Variants in INSYN2B observed in about 807,000 individuals in gnomAD.
The protein encoded by INSYN2B is protein INSYN2B.
In INSYN2B, 16 loss-of-function variants were observed where a neutral mutation model predicts 41.2. The observed-to-expected ratio is 0.39, with a 90% CI of 0.26 to 0.59. The LOEUF (loss-of-function observed/expected upper bound fraction) is 0.59, where lower values mean the gene tolerates loss of function less well. Ranked by LOEUF, INSYN2B falls within the 20% of genes least tolerant of loss-of-function variation. The pLI, the probability that INSYN2B is intolerant of heterozygous loss-of-function variation, is 0.57. For synonymous variants in INSYN2B, 245 were observed against 244.4 expected (o/e 1.00, Z -0.02); for missense variants, 608 against 646.4 (o/e 0.94, Z 0.64).
chr5:169,881,956 G>A (rs1043821282), intron 2 of INSYN2B, among the ~76,000 whole-genome samples: 1 of 152,140 alleles, frequency 6.6e-6, no homozygotes, highest in Non-Finnish European at 1.5e-5. Context: ...CTCCTATACT[G>A]GTGCTGAGTC....
At chr5:169,918,162 T>C (rs182372951) in intron 1 of INSYN2B, among the ~76,000 whole-genome samples, 53 of 152,326 alleles carry the variant, frequency 3.5e-4, no homozygotes, top group Admixed American at 2.1e-3. Context: ...TTTGTTACTA[T>C]TAAAATTTTA....
intron 1 of INSYN2B, among the ~76,000 whole-genome samples, chr5:169,888,294 C>G (rs1220010360): frequency 2.0e-5 from 3 of 152,180 alleles, no homozygotes; most frequent in Non-Finnish European, 4.4e-5. Context: ...TCACATTTCC[C>G]TAGGCATTGG....
intron 1 of INSYN2B, among the ~76,000 whole-genome samples, chr5:169,912,689 A>G (rs60709261): frequency 6.6e-6 from 1 of 152,088 alleles, no homozygotes; most frequent in African/African-American, 2.4e-5. Flanking sequence ...CCCATAATGT[A>G]TGAAGGTAGT....
At chr5:169,921,258 A>T (rs1775161275) in intron 1 of INSYN2B, among the ~76,000 whole-genome samples, 1 of 152,228 alleles carries the variant, frequency 6.6e-6, no homozygotes, top group Admixed American at 6.5e-5. Flanking sequence ...TTTGGATTAG[A>T]ATATTCAAGA....
At chr5:169,875,822 TATC>T (rs1221410666) in intron 3 of INSYN2B, 1 of 152,724 alleles carries the variant, frequency 6.5e-6, no homozygotes, top group Non-Finnish European at 1.5e-5. Context: ...CGTCAGCTGT[TATC>T]ATTGTAAAAA....
rs1413000823 is a variant in INSYN2B, at chr5:169,881,372, A to G, written c.1417T>C (p.Tyr473His). The part of the protein sequence containing the change: ...STCQNTACII[Y>H]SVEYDFRQQE... ...GCCTCGCTTGTGGCCAGGTACCTGT[A>G]TATGATGCACGCCGTGTTCTGGCAG... The change falls in exon 3 of 4, where the codon TAC (tyrosine) becomes CAC (histidine). Residue 473 changes from tyrosine to histidine, a missense_variant. Transcript: ENST00000377365. The G allele has an allele frequency of 6.4e-7, 1 of 1,551,368 alleles. No homozygotes were observed. The highest frequency in any genetic ancestry group is 1.4e-5 in the African/African-American group (1 of 73,060).
At chr5:169,919,693 G>A (rs1775066757) in intron 1 of INSYN2B, among the ~76,000 whole-genome samples, 1 of 152,170 alleles carries the variant, frequency 6.6e-6, no homozygotes, top group African/African-American at 2.4e-5. Flanking sequence ...CCTTTGGTAA[G>A]CAGTGCACTC....
Position 169,881,911 on chromosome 5 carries a change from G to A in INSYN2B, c.1347-469C>T, listed in dbSNP as rs144954941. Among the ~76,000 whole-genome samples, 42 of 152,266 alleles carry A rather than the reference G, an allele frequency of 2.8e-4. No individual in the cohort carries two copies. The East Asian group carries it at 7.9e-3, about 29-fold the overall frequency. On this transcript the variant is annotated intron_variant, in intron 2 of 3. Transcript: ENST00000377365. ...TTTAGAGAGCACTTTCTGCAGGGAC[G>A]AGCATTTCGCATCTAAACAAATAAC...
intron 1 of INSYN2B, among the ~76,000 whole-genome samples, chr5:169,968,620 T>C (rs528986816): frequency 1.1e-4 from 16 of 152,366 alleles, no homozygotes; most frequent in African/African-American, 3.6e-4. Context: ...TTTTGATGAA[T>C]GATTGCAAAG....
intron 1 of INSYN2B, among the ~76,000 whole-genome samples, chr5:169,885,769 G>T (rs1269074442): frequency 6.6e-6 from 1 of 152,140 alleles, no homozygotes; most frequent in Non-Finnish European, 1.5e-5. Context: ...TAATATTTTT[G>T]TCCCCATTTA....
intron 1 of INSYN2B, among the ~76,000 whole-genome samples, chr5:169,952,978 AAT>A (rs1207340611): frequency 6.6e-6 from 1 of 152,210 alleles, no homozygotes; most frequent in Non-Finnish European, 1.5e-5. Context: ...TTTGTTATTC[AAT>A]ATACTTATTT....
chr5:169,922,013 C>A (rs1424654156), intron 1 of INSYN2B, among the ~76,000 whole-genome samples: 1 of 152,166 alleles, frequency 6.6e-6, no homozygotes, highest in East Asian at 1.9e-4. Flanking sequence ...TGGTCCTGGG[C>A]AAATATTATT....
intron 1 of INSYN2B, among the ~76,000 whole-genome samples, chr5:169,952,339 G>T (rs1436080110): frequency 6.6e-6 from 1 of 152,054 alleles, no homozygotes; most frequent in African/African-American, 2.4e-5. Context: ...AAAAATCAAT[G>T]CAGCATGGTC....
chr5:169,915,093 A>T (rs896808230), intron 1 of INSYN2B, among the ~76,000 whole-genome samples: 3 of 152,228 alleles, frequency 2.0e-5, no homozygotes, highest in African/African-American at 7.2e-5. Flanking sequence ...CTAGGCCTTG[A>T]TGTTGAGGCC....
At chr5:169,874,410 C>CAAAAAA (rs34525811) in intron 3 of INSYN2B, among the ~76,000 whole-genome samples, 2 of 72,024 alleles carry the variant, frequency 2.8e-5, no homozygotes, top group Non-Finnish European at 5.0e-5. Context: ...GACTCTGTCT[C>CAAAAAA]AAAAAAAAAA....
intron 1 of INSYN2B, among the ~76,000 whole-genome samples, chr5:169,916,401 C>G (rs935260816): frequency 1.7e-4 from 26 of 152,290 alleles, no homozygotes; most frequent in African/African-American, 5.3e-4. Flanking sequence ...CTCCTATCAC[C>G]CCTGTTCTGG....
Position 169,881,460 on chromosome 5 carries a change from T to C in INSYN2B, c.1347-18A>G. ...AGTTGCGCCTGCAAGACAGAGCATT[T>C]GCTGGATAAATCTATGGGCAAAAGT... On this transcript the variant is annotated intron_variant, in intron 2 of 3. Transcript: ENST00000377365. 6.5e-7 allele frequency: 1 copy of C among 1,550,026 alleles called. No individual in the cohort carries two copies. The highest frequency in any genetic ancestry group is 8.7e-7 in the Non-Finnish European group (1 of 1,145,566).
chr5:169,954,859 A>G (rs1349229332), intron 1 of INSYN2B, among the ~76,000 whole-genome samples: 1 of 152,218 alleles, frequency 6.6e-6, no homozygotes, highest in African/African-American at 2.4e-5. Flanking sequence ...TAACCCAATG[A>G]CCAAATCAAC....
chr5:169,948,135 G>A (rs1483874958), intron 1 of INSYN2B, among the ~76,000 whole-genome samples: 3 of 151,794 alleles, frequency 2.0e-5, no homozygotes, highest in African/African-American at 7.3e-5. Flanking sequence ...TAAATTCTAG[G>A]TGTGAAAATT....
Sources: gnomAD v4.1 joint callset for allele counts (sites outside exome capture counted in the v4.1 genomes callset) on GRCh38, gnomAD v4.1.1 for gene constraint, MANE v1.5 for transcripts, NCBI Gene and HGNC (gene_info 2026-07-23, HGNC 2026-07-21) for gene names.